RHBDD1: variants seen among roughly 807,000 people sequenced by gnomAD.
The protein encoded by RHBDD1 is rhomboid-related protein 4.
A neutral mutation model predicts 36.3 loss-of-function variants in RHBDD1; 38 were observed. The observed-to-expected ratio is 1.05, with a 90% CI of 0.81 to 1.37. The LOEUF (loss-of-function observed/expected upper bound fraction) is 1.37, where lower values mean the gene tolerates loss of function less well. Among genes scored for constraint, RHBDD1 ranks in the 40% most tolerant of loss-of-function variants. The pLI, the probability that RHBDD1 is intolerant of heterozygous loss-of-function variation, is 0.00. For missense variants in RHBDD1, 393 were observed against 377.6 expected (o/e 1.04, Z -0.34); for synonymous variants, 151 against 136.5 (o/e 1.11, Z -0.74).
intron 5 of RHBDD1, among the ~76,000 whole-genome samples, chr2:226,869,995 G>A (rs1296180281): frequency 6.6e-6 from 1 of 152,300 alleles, no homozygotes; most frequent in South Asian, 2.1e-4. Flanking sequence ...ACCTTCTAGC[G>A]AGATTATGAA....
chr2:226,803,296 T>A, the RHBDD1 span, among the ~76,000 whole-genome samples: 1 of 151,248 alleles, frequency 6.6e-6, no homozygotes, highest in Non-Finnish European at 1.5e-5. Context: ...ATAACAATAG[T>A]TGATGACTAA....
intron 3 of RHBDD1, among the ~76,000 whole-genome samples, chr2:226,858,211 T>C (rs933659973): frequency 2.6e-5 from 4 of 152,184 alleles, no homozygotes; most frequent in Non-Finnish European, 5.9e-5. Flanking sequence ...ACTTCAAATA[T>C]TCAAAACTGT....
intron 8 of RHBDD1, among the ~76,000 whole-genome samples, chr2:226,988,143 C>T (rs558369079): frequency 6.6e-6 from 1 of 152,262 alleles, no homozygotes; most frequent in Admixed American, 6.5e-5. Context: ...AGTGTATTAT[C>T]ATTTAAACAC....
intron 8 of RHBDD1, among the ~76,000 whole-genome samples, chr2:226,949,361 G>A (rs1951254960): frequency 6.6e-6 from 1 of 152,300 alleles, no homozygotes; most frequent in East Asian, 1.9e-4. Context: ...TGTTAGGTTA[G>A]GGGAAGTTGG....
intron 8 of RHBDD1, among the ~76,000 whole-genome samples, chr2:226,964,978 C>G (rs372688810): frequency 1.3e-5 from 2 of 152,284 alleles, no homozygotes; most frequent in East Asian, 1.9e-4. Flanking sequence ...ACCACTGTGG[C>G]TGCTGTATTG....
the RHBDD1 span, among the ~76,000 whole-genome samples, chr2:226,816,135 T>C: frequency 6.6e-6 from 1 of 152,176 alleles, no homozygotes. Flanking sequence ...CCAGATTTGA[T>C]GTCAGGAGCT....
intron 8 of RHBDD1, among the ~76,000 whole-genome samples, chr2:226,923,131 A>T (rs1949440646): frequency 6.6e-6 from 1 of 152,148 alleles, no homozygotes; most frequent in Non-Finnish European, 1.5e-5. Flanking sequence ...GTACCTTCAG[A>T]TGATTTTTTA....
At chr2:226,820,149 C>T in the RHBDD1 span, among the ~76,000 whole-genome samples, 50 of 151,788 alleles carry the variant, frequency 3.3e-4, no homozygotes, top group Admixed American at 6.6e-5. Flanking sequence ...GATAATAATC[C>T]GACCTCATAG....
intron 3 of RHBDD1, among the ~76,000 whole-genome samples, chr2:226,861,649 A>G (rs1013197356): frequency 6.6e-6 from 1 of 152,364 alleles, no homozygotes; most frequent in East Asian, 1.9e-4. Flanking sequence ...TTACTGATCA[A>G]TGATCAAGGC....
intron 5 of RHBDD1, among the ~76,000 whole-genome samples, chr2:226,896,929 A>G (rs982222395): frequency 2.6e-5 from 4 of 151,970 alleles, no homozygotes; most frequent in African/African-American, 9.7e-5. Flanking sequence ...CAGCTTCCCA[A>G]GTAGCTGGGA....
chr2:226,802,394 A>G, the RHBDD1 span, among the ~76,000 whole-genome samples: 1 of 152,160 alleles, frequency 6.6e-6, no homozygotes, highest in Non-Finnish European at 1.5e-5. Flanking sequence ...ACCAATTTAA[A>G]GGTGGTTAAT....
At chr2:226,923,317 C>T (rs1288325108) in intron 8 of RHBDD1, among the ~76,000 whole-genome samples, 1 of 151,912 alleles carries the variant, frequency 6.6e-6, no homozygotes, top group African/African-American at 2.4e-5. Flanking sequence ...TTTTTTTCCC[C>T]TTCAGCACTT....
intron 8 of RHBDD1, among the ~76,000 whole-genome samples, chr2:226,986,946 G>A (rs112588077): frequency 5.9e-4 from 90 of 152,292 alleles, no homozygotes; most frequent in Non-Finnish European, 1.1e-3. Flanking sequence ...ATCAGTGATC[G>A]ACTGGATAAA....
At chr2:226,893,893 A>G (rs1309207720) in intron 5 of RHBDD1, among the ~76,000 whole-genome samples, 1 of 152,204 alleles carries the variant, frequency 6.6e-6, no homozygotes, top group Non-Finnish European at 1.5e-5. Context: ...CATTCTTGTA[A>G]ATGAAAAACC....
intron 8 of RHBDD1, among the ~76,000 whole-genome samples, chr2:226,986,485 C>T (rs1484309384): frequency 1.3e-5 from 2 of 151,690 alleles, no homozygotes; most frequent in African/African-American, 2.4e-5. Context: ...AAAAAATTTA[C>T]AAGAAAAAAA....
At chr2:226,848,296 A>G (rs755346878) in intron 3 of RHBDD1, among the ~76,000 whole-genome samples, 18 of 152,354 alleles carry the variant, frequency 1.2e-4, no homozygotes, top group South Asian at 2.1e-4. Flanking sequence ...GAGATTTTCT[A>G]TATTTGAAAT....
At position 226,906,871 on chromosome 2, in the gene RHBDD1, A is replaced by G. The variant is rs762799920; in HGVS notation, c.645A>G (p.Glu215=). 5.0e-6 allele frequency: 8 copies of G among 1,614,150 alleles called. No homozygotes were observed. Among genetic ancestry groups the G allele is most frequent in the Non-Finnish European group, 6.8e-6 (8 of 1,179,984 alleles). ...AAGGGCCTCTGAAGAAAATCATGGAAGCATGTGCAGGTACAGAATAAAACA... is the reference window on the plus strand; with the variant it reads ...AAGGGCCTCTGAAGAAAATCATGGAGGCATGTGCAGGTACAGAATAAAACA... ...YTQGPLKKIM[E]ACAGGFSSSV... Residue 215 remains glutamate (E), a synonymous_variant, in exon 6 of 9, where the codon GAA becomes GAG. Transcript: ENST00000392062.
chr2:226,862,208 G>A (rs1453606049), intron 3 of RHBDD1, among the ~76,000 whole-genome samples: 1 of 152,182 alleles, frequency 6.6e-6, no homozygotes. Flanking sequence ...AGTAGCTACT[G>A]TTTATTCTGC....
At chr2:226,963,025 T>G (rs749331701) in intron 8 of RHBDD1, among the ~76,000 whole-genome samples, 4 of 152,140 alleles carry the variant, frequency 2.6e-5, no homozygotes, top group Non-Finnish European at 5.9e-5. Context: ...CTGTGTATTG[T>G]GCAGTGTTGA....
Sources: allele counts gnomAD v4.1 joint callset (sites outside exome capture counted in the v4.1 genomes callset), GRCh38; gene constraint gnomAD v4.1.1; transcripts MANE v1.5; gene names NCBI Gene and HGNC (gene_info 2026-07-23, HGNC 2026-07-21).